Variants in CMSS1 observed in about 807,000 individuals in gnomAD.
The protein encoded by CMSS1 is cms1 ribosomal small subunit homolog.
A neutral mutation model predicts 43.5 loss-of-function variants in CMSS1; 33 were observed. The ratio of observed to expected loss-of-function variants is 0.76; its 90% confidence interval spans 0.57 to 1.01. The LOEUF is 1.01. Among genes scored for constraint, CMSS1 ranks in the 50% least tolerant of loss-of-function variants. The pLI is 0.00. For synonymous variants in CMSS1, 115 were observed against 117.2 expected (o/e 0.98, Z 0.12); for missense variants, 313 against 326.4 (o/e 0.96, Z 0.32).
intron 1 of CMSS1, among the ~76,000 whole-genome samples, chr3:100,029,057 G>A (rs569099520): frequency 6.6e-6 from 1 of 152,102 alleles, no homozygotes; most frequent in African/African-American, 2.4e-5. Flanking sequence ...TGGAATGGTG[G>A]TGCATGCCTA....
intron 1 of CMSS1, among the ~76,000 whole-genome samples, chr3:100,100,141 C>T (rs1291021105): frequency 6.6e-6 from 1 of 152,058 alleles, no homozygotes; most frequent in Non-Finnish European, 1.5e-5. Flanking sequence ...CTGGAAGTGG[C>T]ATGGTGGGCT....
Position 100,054,947 on chromosome 3 carries a change from G to C in CMSS1, c.65-92026G>C, listed in dbSNP as rs1046588319. 3.3e-5 allele frequency among the ~76,000 whole-genome samples: 5 copies of C among 152,156 alleles called. No homozygotes were observed. In the South Asian group the frequency reaches 6.2e-4, roughly 19 times the overall value. On this transcript the variant is annotated intron_variant, in intron 1 of 9. Coordinates refer to ENST00000421999, the MANE Select transcript of CMSS1 (RefSeq NM_032359.4). ...ATTAATCACAACATAGTTCCTTCCA[G>C]AAACTTCTGAATGCCCTTTCCCAGC... is the stretch of plus-strand genomic sequence containing the variant.
chr3:99,897,483 G>A lies in CMSS1; in HGVS notation c.64+79440G>A, dbSNP rs139337481. ...CCATTATATACCTCAACTAATTTGT[G>A]TTCATTTGCCTGACACCAAATTTTG... is the stretch of plus-strand genomic sequence containing the variant. On this transcript the variant is annotated intron_variant, in intron 1 of 9. Transcript: ENST00000421999. 2.1e-3 allele frequency among the ~76,000 whole-genome samples: 316 copies of A among 152,104 alleles called. 2 individuals carry two copies. Among genetic ancestry groups the A allele is most frequent in the Middle Eastern group, 0.01 (3 of 294 alleles).
intron 1 of CMSS1, among the ~76,000 whole-genome samples, chr3:100,017,334 T>C (rs1282494985): frequency 1.3e-5 from 2 of 150,370 alleles, no homozygotes; most frequent in African/African-American, 4.9e-5. Context: ...TGAAGTTAGA[T>C]GAGATTTGTA....
intron 1 of CMSS1, chr3:99,830,552 A>G (rs1330383301): frequency 6.6e-6 from 3 of 456,600 alleles, no homozygotes; most frequent in Non-Finnish European, 8.8e-6. Flanking sequence ...TGATGCCTGT[A>G]GATTTCGGTT....
At chr3:100,099,882 TGCTGAGAGTGG>T (rs1382498584) in intron 1 of CMSS1, among the ~76,000 whole-genome samples, 1 of 152,180 alleles carries the variant, frequency 6.6e-6, no homozygotes, top group African/African-American at 2.4e-5. Flanking sequence ...GGAACTGAGT[TGCTGAGAGTGG>T]GCAGAGGGTT....
chr3:99,903,668 C>G (rs1421954488), intron 1 of CMSS1, among the ~76,000 whole-genome samples: 1 of 152,064 alleles, frequency 6.6e-6, no homozygotes, highest in Non-Finnish European at 1.5e-5. Context: ...AGGAGTAATT[C>G]ATTTTTTAAG....
chr3:99,843,252 A>G (rs1022844018), intron 1 of CMSS1, among the ~76,000 whole-genome samples: 1 of 152,230 alleles, frequency 6.6e-6, no homozygotes, highest in African/African-American at 2.4e-5. Flanking sequence ...TGAGAGAGAA[A>G]CAGACCTTGT....
chr3:99,847,810 A>G (rs1433949798), intron 1 of CMSS1: 1 of 308,232 alleles, frequency 3.2e-6, no homozygotes, highest in Non-Finnish European at 4.8e-6. Flanking sequence ...TAAATGGGAC[A>G]TAGGTCCTGT....
At chr3:100,031,413 G>C (rs904614192) in intron 1 of CMSS1, among the ~76,000 whole-genome samples, 3 of 151,966 alleles carry the variant, frequency 2.0e-5, no homozygotes, top group Non-Finnish European at 4.4e-5. Context: ...AGTGGAGTGA[G>C]GAAGGAGTTG....
At chr3:99,848,569 G>A in intron 1 of CMSS1, 1 of 1,614,156 alleles carries the variant, frequency 6.2e-7, no homozygotes, top group Non-Finnish European at 8.5e-7. Context: ...CTGCCGGTCT[G>A]GGGAGACTCT....
At chr3:99,924,851 T>C (rs182103797) in intron 1 of CMSS1, among the ~76,000 whole-genome samples, 165 of 152,258 alleles carry the variant, frequency 1.1e-3, no homozygotes, top group African/African-American at 3.8e-3. Context: ...CCTTGTTTAG[T>C]GTTTATTCTC....
chr3:100,032,257 C>T (rs2065034403), intron 1 of CMSS1, among the ~76,000 whole-genome samples: 1 of 151,982 alleles, frequency 6.6e-6, no homozygotes, highest in South Asian at 2.1e-4. Context: ...ATGCGTTGGC[C>T]CTTGATTCTG....
chr3:99,958,233 T>TATTATC (rs2107698929), intron 1 of CMSS1, among the ~76,000 whole-genome samples: 2 of 147,084 alleles, frequency 1.4e-5, no homozygotes, highest in African/African-American at 4.9e-5. Context: ...TTATTATTAT[T>TATTATC]ATTATTATTA....
intron 1 of CMSS1, among the ~76,000 whole-genome samples, chr3:99,883,049 T>C (rs1705780318): frequency 6.6e-6 from 1 of 152,206 alleles, no homozygotes; most frequent in Non-Finnish European, 1.5e-5. Flanking sequence ...ATAATTTATG[T>C]CACTAAGCAT....
intron 1 of CMSS1, among the ~76,000 whole-genome samples, chr3:99,887,448 C>T (rs750311999): frequency 6.6e-6 from 1 of 152,110 alleles, no homozygotes; most frequent in African/African-American, 2.4e-5. Context: ...CCTCTGCAGG[C>T]AATTGTGCAT....
intron 1 of CMSS1, among the ~76,000 whole-genome samples, chr3:99,897,373 A>T (rs1389852961): frequency 6.6e-6 from 1 of 152,130 alleles, no homozygotes; most frequent in African/African-American, 2.4e-5. Context: ...TTGTCTCAAA[A>T]AAAAAAAAAG....
chr3:100,175,954 G>A (rs932535523), intron 8 of CMSS1, among the ~76,000 whole-genome samples: 1 of 152,144 alleles, frequency 6.6e-6, no homozygotes, highest in African/African-American at 2.4e-5. Flanking sequence ...CAGACTCCAT[G>A]GACTCAACTC....
chr3:100,002,093 G>A (rs1559721136), intron 1 of CMSS1, among the ~76,000 whole-genome samples: 1 of 152,188 alleles, frequency 6.6e-6, no homozygotes, highest in East Asian at 1.9e-4. Flanking sequence ...GCCACTGCAA[G>A]TGGAAAACAT....
Sources: gnomAD v4.1 joint callset for allele counts (sites outside exome capture counted in the v4.1 genomes callset) on GRCh38, gnomAD v4.1.1 for gene constraint, MANE v1.5 for transcripts, NCBI Gene and HGNC (gene_info 2026-07-23, HGNC 2026-07-21) for gene names.